Variants in NTNG2 observed in about 807,000 individuals in gnomAD.
NTNG2 encodes netrin-G2.
Under a neutral mutation model 47.6 loss-of-function variants are expected in NTNG2, and 15 were observed. The ratio of observed to expected loss-of-function variants is 0.32; its 90% CI spans 0.21 to 0.49. NTNG2 has a LOEUF of 0.49. Among genes scored for constraint, NTNG2 ranks in the 20% least tolerant of loss-of-function variants. The probability of loss-of-function intolerance (pLI) is 0.99; values close to 1 mark genes in which losing one functional copy is unlikely to be tolerated. For synonymous variants in NTNG2, 307 were observed against 324.6 expected (o/e 0.95, Z 0.58); for missense variants, 578 against 764.6 (o/e 0.76, Z 2.88).
chr9:132,205,691 G>A (rs1839119292), intron 3 of NTNG2, among the ~76,000 whole-genome samples: 1 of 152,000 alleles, frequency 6.6e-6, no homozygotes, highest in Admixed American at 6.6e-5. Flanking sequence ...GACCAGCCTG[G>A]CCAACATGGC....
In NTNG2 at chr9:132,231,743, G is replaced by T; in HGVS notation, c.1054+1148G>T. 5.6e-6 allele frequency: 1 copy of T among 177,800 alleles called. No homozygotes were observed. Among genetic ancestry groups the T allele is most frequent in the South Asian group, 9.7e-5 (1 of 10,304 alleles). 11.0% of individuals were successfully genotyped at this position (177,800 alleles called of 1,614,324 possible). A position where few individuals can be genotyped will look rare whatever the true frequency, so the allele number is the denominator to read the frequency against. On this transcript the variant is annotated intron_variant, in intron 5 of 7. Transcript: ENST00000393229. This position sits in a 1 kb window ranked among gnomAD's most constrained non-coding sequence, Gnocchi z 4.1. Reference sequence around the variant, plus strand: ...CCCCTACTACTCCTGTCCCCTCCACGTCCACTGCCTGGGCCCCCATGGCGC... The same window carrying T: ...CCCCTACTACTCCTGTCCCCTCCACTTCCACTGCCTGGGCCCCCATGGCGC...
At chr9:132,170,303 C>T (rs924189089) in intron 2 of NTNG2, among the ~76,000 whole-genome samples, 1 of 152,232 alleles carries the variant, frequency 6.6e-6, no homozygotes. Flanking sequence ...AAATAAAAAC[C>T]TATTGGCTCT....
rs532880822 is a variant in NTNG2, at chr9:132,166,540, A to G, written c.-292A>G. 1.5e-4 allele frequency: 69 copies of G among 447,686 alleles called. No individual in the cohort carries two copies. The South Asian group carries it at 1.6e-3, about 10-fold the overall frequency. The allele number at this position is 447,686 out of a possible 1,614,324, so 27.7% of individuals were successfully genotyped here. On this transcript the variant is annotated 5_prime_UTR_variant, in exon 2 of 8. Transcript: ENST00000393229. ...GAATCTGCCTGATTTGATCAGATTC[A>G]CCTCCAGGGGAGGTGTGATACCAGG... is the stretch of plus-strand genomic sequence containing the variant.
intron 3 of NTNG2, among the ~76,000 whole-genome samples, chr9:132,211,191 C>T (rs1839565159): frequency 1.3e-5 from 2 of 152,160 alleles, no homozygotes; most frequent in Admixed American, 1.3e-4. Flanking sequence ...GCTTGGGTTC[C>T]TGGAGGCCTC....
At chr9:132,189,263 A>C (rs575116896) in intron 2 of NTNG2, among the ~76,000 whole-genome samples, 22 of 149,706 alleles carry the variant, frequency 1.5e-4, no homozygotes, top group Non-Finnish European at 3.3e-4. Flanking sequence ...TTGTTTTTTG[A>C]GGTTTTTTTC....
At chr9:132,234,462 G>T (rs1457105796) in intron 5 of NTNG2, among the ~76,000 whole-genome samples, 1 of 152,190 alleles carries the variant, frequency 6.6e-6, no homozygotes, top group Non-Finnish European at 1.5e-5. Context: ...GTGTGTCCCT[G>T]GGCAGCCAAG....
intron 3 of NTNG2, among the ~76,000 whole-genome samples, chr9:132,224,282 C>T (rs1189120128): frequency 2.0e-5 from 3 of 152,118 alleles, no homozygotes; most frequent in Admixed American, 2.0e-4. Flanking sequence ...ATATGTGTTA[C>T]AATGATGAGC....
intron 1 of NTNG2, among the ~76,000 whole-genome samples, chr9:132,165,231 C>T (rs1668379868): frequency 6.6e-6 from 1 of 152,100 alleles, no homozygotes. Flanking sequence ...GTGTCTGGAA[C>T]ACACCACAGT....
At chr9:132,228,867 T>A (rs985648054) in intron 4 of NTNG2, among the ~76,000 whole-genome samples, 1 of 152,166 alleles carries the variant, frequency 6.6e-6, no homozygotes, top group African/African-American at 2.4e-5. Context: ...CATGTCTGGC[T>A]TTTTTCTTCC....
At chr9:132,227,118 T>G in intron 4 of NTNG2, 97 bp downstream of exon 4, 1 of 1,318,328 alleles carries the variant, frequency 7.6e-7, no homozygotes, top group Non-Finnish European at 1.0e-6. Context: ...CACACAAACC[T>G]GCACACAGGC....
intron 2 of NTNG2, among the ~76,000 whole-genome samples, chr9:132,184,681 T>C (rs1297656007): frequency 6.6e-5 from 10 of 152,124 alleles, no homozygotes; most frequent in Admixed American, 6.5e-4. Flanking sequence ...CCCAGCACTT[T>C]GGGAGGCCGA....
At chr9:132,198,747 C>T (rs1053674533) in intron 3 of NTNG2, 138 bp downstream of exon 3, 56 of 886,272 alleles carry the variant, frequency 6.3e-5, no homozygotes, top group Non-Finnish European at 8.7e-5. Flanking sequence ...GTTCCCTGGG[C>T]GTTACCTGGT....
chr9:132,173,651 G>C (rs1207443525), intron 2 of NTNG2, among the ~76,000 whole-genome samples: 2 of 152,128 alleles, frequency 1.3e-5, no homozygotes, highest in African/African-American at 4.8e-5. Flanking sequence ...TGGATGGACA[G>C]ACGAACGGAC....
rs1836998274 is a variant in NTNG2, at chr9:132,182,185, C to T, written c.213+15141C>T. 6.6e-6 allele frequency among the ~76,000 whole-genome samples: 1 copy of T among 152,246 alleles called. No homozygotes were observed. Among genetic ancestry groups the T allele is most frequent in the African/African-American group, 2.4e-5 (1 of 41,450 alleles). The stretch of plus-strand genomic sequence containing the variant: ...TTGGCAGCGAGCGTGCTCCCACGCA[C>T]CAGCTCTGGGGAAGGCGAGATGGCT... On this transcript the variant is annotated intron_variant, in intron 2 of 7. Coordinates refer to ENST00000393229, the MANE Select transcript of NTNG2 (RefSeq NM_032536.4). The surrounding 1 kb of genome is among the most constrained non-coding windows in gnomAD (Gnocchi z 4.2).
At chr9:132,206,528 G>T (rs1344632226) in intron 3 of NTNG2, among the ~76,000 whole-genome samples, 1 of 152,312 alleles carries the variant, frequency 6.6e-6, no homozygotes, top group Non-Finnish European at 1.5e-5. Context: ...TTATCCAGGC[G>T]TGGTGGCGTG....
intron 2 of NTNG2, among the ~76,000 whole-genome samples, chr9:132,178,975 A>G (rs1245846400): frequency 5.5e-5 from 8 of 144,180 alleles, no homozygotes; most frequent in Non-Finnish European, 1.1e-4. Context: ...AAAAAAAAAA[A>G]AAAAAAACTA....
At chr9:132,202,524 G>A (rs1589452700) in intron 3 of NTNG2, among the ~76,000 whole-genome samples, 2 of 152,364 alleles carry the variant, frequency 1.3e-5, no homozygotes, top group Admixed American at 6.5e-5. Flanking sequence ...GGCAGGCAGG[G>A]GGTGGGAGCT....
chr9:132,207,104 C>T (rs1034161827), intron 3 of NTNG2, among the ~76,000 whole-genome samples: 20 of 152,378 alleles, frequency 1.3e-4, no homozygotes, highest in African/African-American at 3.6e-4. Flanking sequence ...TAGGCAGAAT[C>T]GGGGTTCCCT....
chr9:132,167,773 GCAA>G (rs1330155163), intron 2 of NTNG2, among the ~76,000 whole-genome samples: 5 of 152,190 alleles, frequency 3.3e-5, no homozygotes, highest in East Asian at 3.8e-4. Context: ...AATGTTAACA[GCAA>G]CAACAACAGC....
Sources: gnomAD v4.1 joint callset for allele counts (sites outside exome capture counted in the v4.1 genomes callset) on GRCh38, gnomAD v4.1.1 for gene constraint, Gnocchi (gnomAD v3.1) non-coding constraint, MANE v1.5 for transcripts, NCBI Gene and HGNC (gene_info 2026-07-23, HGNC 2026-07-21) for gene names.